ENOSF1: variants seen among roughly 807,000 people sequenced by gnomAD.
ENOSF1 encodes enolase superfamily member 1.
Under a neutral mutation model 68.2 loss-of-function variants are expected in ENOSF1, and 73 were observed. The observed-to-expected ratio is 1.07, with a 90% CI of 0.89 to 1.30. The LOEUF is 1.30. Ranked by LOEUF, ENOSF1 falls within the 50% of genes most tolerant of loss-of-function variation. ENOSF1 has a pLI of 0.00. For missense variants in ENOSF1, 589 were observed against 554.5 expected, an observed-to-expected ratio of 1.06 and a Z score of -0.62; for synonymous variants, 223 against 210.4, an observed-to-expected ratio of 1.06 and a Z score of -0.52.
At chr18:697,192 C>T (rs533787479) in intron 3 of ENOSF1, 48 bp downstream of exon 3, 6 of 1,250,958 alleles carry the variant, frequency 4.8e-6, no homozygotes, top group African/African-American at 2.9e-5. Context: ...ACATCTCAGA[C>T]CTTGGTAATA....
At chr18:675,241 C>T (rs1037619456) in intron 15 of ENOSF1, 80 bp downstream of exon 15, 2 of 1,062,810 alleles carry the variant, frequency 1.9e-6, no homozygotes, top group East Asian at 2.5e-5. Context: ...AAGCTTGGTG[C>T]TCCACAGTCT....
At chr18:674,679 C>T (rs1017233455) in intron 15 of ENOSF1, among the ~76,000 whole-genome samples, 3 of 152,096 alleles carry the variant, frequency 2.0e-5, no homozygotes, top group South Asian at 2.1e-4. Flanking sequence ...CCACCATGCC[C>T]GGCTAATTTT....
In ENOSF1 at chr18:696,736, A is replaced by T. The variant is rs566026820; in HGVS notation, c.309+504T>A. On this transcript the variant is annotated intron_variant, in intron 3 of 15. Transcript: ENST00000647584. ...GTCATTTAGATCATCAGTCTTACAG[A>T]AATGAGTTGTTTACCTCAAAATACT... 2.6e-3 allele frequency among the ~76,000 whole-genome samples: 390 copies of T among 152,284 alleles called. 1 individual carries two copies. The highest frequency in any genetic ancestry group is 8.9e-3 in the African/African-American group (370 of 41,570).
intron 2 of ENOSF1, among the ~76,000 whole-genome samples, chr18:700,890 CAAAAAAAAAAAA>C (rs71174273): frequency 1.5e-5 from 1 of 64,916 alleles, no homozygotes; most frequent in Non-Finnish European, 2.8e-5. Flanking sequence ...AACTCTGCCT[CAAAAAAAAAAAA>C]AAAAAAAAAA....
chr18:677,755 T>C lies in ENOSF1; in HGVS notation c.1036A>G (p.Lys346Glu), dbSNP rs1328466445. ...GCAGCACGCTTACTTTCAAACTTTT[T>C]GGCCATCAGCAATACTGAGAGGTTC... Reference protein sequence around the residue: ...NENLSVLLMAKKFEIPVCPHA... With the variant: ...NENLSVLLMAEKFEIPVCPHA... Residue 346 changes from lysine (K) to glutamate (E), a missense_variant, in exon 13 of 16, where the codon AAA becomes GAA. Lys to Glu is a moderately conservative substitution (Grantham distance 56). Transcript: ENST00000647584. 1.2e-6 allele frequency: 2 copies of C among 1,612,872 alleles called. No homozygotes were observed. Among genetic ancestry groups the C allele is most frequent in the Non-Finnish European group, 1.7e-6 (2 of 1,179,676 alleles).
downstream of ENOSF1, among the ~76,000 whole-genome samples, chr18:666,914 GTGATGGA>G (rs1437988259): frequency 3.1e-5 from 2 of 64,910 alleles, no homozygotes; most frequent in Non-Finnish European, 8.0e-5. Flanking sequence ...GATGGTGATG[GTGATGGA>G]GATGGTGATG....
chr18:694,206 A>G (rs2847602), intron 4 of ENOSF1, 42 bp downstream of exon 4: 972,892 of 1,579,764 alleles, frequency 0.62, 301,604 homozygotes, highest in African/African-American at 0.81. Flanking sequence ...TCAGTGTCGT[A>G]CAGCTCCCAG....
chr18:675,108 G>A (rs1465906943), intron 15 of ENOSF1, among the ~76,000 whole-genome samples: 1 of 152,244 alleles, frequency 6.6e-6, no homozygotes, highest in Non-Finnish European at 1.5e-5. Context: ...GGAAAGGCTA[G>A]TATTACAGAA....
chr18:697,395 C>G (rs186309689), intron 2 of ENOSF1, 40 bp from the exon 3 acceptor site: 1 of 1,414,516 alleles, frequency 7.1e-7, no homozygotes, highest in Non-Finnish European at 9.9e-7. Context: ...TGCTTCTATA[C>G]TAGGTCAAGA....
chr18:666,481 C>G (rs188326130), downstream of ENOSF1, among the ~76,000 whole-genome samples: 3 of 152,230 alleles, frequency 2.0e-5, no homozygotes, highest in East Asian at 5.8e-4. Context: ...TACTGGATGT[C>G]ACAGAGCCCA....
chr18:690,602 C>T lies in ENOSF1; in HGVS notation c.565G>A (p.Ala189Thr), dbSNP rs748305694. The part of the protein sequence containing the change: ...EKQMLAQGYP[A>T]YTTSCAWLGY... ...AGCCAGGCGCACGATGTCGTGTAAG[C>T]AGGGTATCCTTGTGCCAGCATTTGC... Residue 189 changes from alanine to threonine, a missense_variant, in exon 8 of 16, where the codon GCT (alanine) becomes ACT (threonine). Physicochemically the swap from Ala to Thr is moderately conservative, Grantham distance 58 (BLOSUM62 0). Transcript: ENST00000647584. 1 of 1,613,922 alleles carries T rather than the reference C, an allele frequency of 6.2e-7. No homozygotes were observed. The highest frequency in any genetic ancestry group is 1.1e-5 in the South Asian group (1 of 91,064).
chr18:681,942 C>T (rs368441896), intron 11 of ENOSF1, among the ~76,000 whole-genome samples: 24 of 152,232 alleles, frequency 1.6e-4, no homozygotes, highest in African/African-American at 5.1e-4. Context: ...CCTGAGTCCC[C>T]GACTCCACAC....
At chr18:688,508 G>C in intron 9 of ENOSF1, 66 bp downstream of exon 9, 2 of 1,611,898 alleles carry the variant, frequency 1.2e-6, no homozygotes, top group Non-Finnish European at 1.7e-6. Context: ...TCCCTGCCAG[G>C]AGAGACTTAC....
At chr18:693,063 T>C in intron 5 of ENOSF1, 2 of 1,285,130 alleles carry the variant, frequency 1.6e-6, no homozygotes, top group South Asian at 2.5e-5. Flanking sequence ...CTCAAGGTCA[T>C]GCAGCTGGTG....
intron 11 of ENOSF1, among the ~76,000 whole-genome samples, chr18:679,779 C>G (rs1340590261): frequency 6.6e-6 from 1 of 152,162 alleles, no homozygotes; most frequent in Non-Finnish European, 1.5e-5. Flanking sequence ...CCCATCCATC[C>G]TCTACTGTGA....
At chr18:669,231 C>T, downstream of ENOSF1, 1 of 1,512,236 alleles carries the variant, frequency 6.6e-7, no homozygotes, top group Non-Finnish European at 9.1e-7. Flanking sequence ...GGGAAGCAAT[C>T]TGGTTTTGTG....
intron 13 of ENOSF1, 109 bp downstream of exon 13, chr18:677,634 G>C: frequency 6.9e-7 from 1 of 1,447,434 alleles, no homozygotes; most frequent in Non-Finnish European, 9.2e-7. Context: ...GAAAAAAATC[G>C]AAATGGCAAA....
At chr18:687,883 C>G (rs1225039923) in intron 9 of ENOSF1, 1 of 152,390 alleles carries the variant, frequency 6.6e-6, no homozygotes, top group African/African-American at 2.4e-5. Context: ...AAAGACCCAC[C>G]TGGCTGGGTG....
chr18:666,877 C>A (rs895373182), downstream of ENOSF1, among the ~76,000 whole-genome samples: 1 of 144,754 alleles, frequency 6.9e-6, no homozygotes, highest in African/African-American at 2.7e-5. Flanking sequence ...TTAGGGATGA[C>A]GAAAAAGTTC....
Sources: allele counts gnomAD v4.1 joint callset (sites outside exome capture counted in the v4.1 genomes callset), GRCh38; gene constraint gnomAD v4.1.1; transcripts MANE v1.5; gene names NCBI Gene and HGNC (gene_info 2026-07-23, HGNC 2026-07-21).